The following TRRAP variants were observed in gnomAD, a reference collection of about 807,000 sequenced individuals.
TRRAP encodes transformation/transcription domain-associated protein.
TRRAP carries 41 observed loss-of-function variants against 438.8 expected under a neutral mutation model. The observed-to-expected ratio is 0.09, with a 90% CI of 0.07 to 0.12. The LOEUF (loss-of-function observed/expected upper bound fraction) is 0.12. Ranked by LOEUF, TRRAP falls within the 10% of genes least tolerant of loss-of-function variation. The pLI, the probability that TRRAP is intolerant of heterozygous loss-of-function variation, is 1.00. For missense variants in TRRAP, 3,122 were observed against 5,055.1 expected (o/e 0.62, Z 11.60); for synonymous variants, 1,994 against 1,962.9 (o/e 1.02, Z -0.42).
chr7:98,960,006 G>A (rs554710238), intron 45 of TRRAP, among the ~76,000 whole-genome samples: 1 of 151,796 alleles, frequency 6.6e-6, no homozygotes, highest in Non-Finnish European at 1.5e-5. Context: ...TTTCATGCTG[G>A]CCCCAACTAC....
chr7:98,965,715 G>A lies in TRRAP; in HGVS notation c.6996G>A (p.Met2332Ile). ...GAGCAGGTACAAGCGAGCTGGTGAT[G>A]CTGAGTCTGGAGCTGGTGAAGACGC... ...EATSGTSELV[M>I]LSLELVKTRL... is the part of the protein sequence containing the mutation. The change falls in exon 49 of 73, where the codon ATG becomes ATA. Residue 2332 changes from methionine to isoleucine, a missense_variant. Transcript: ENST00000456197. The A allele has an allele frequency of 1.9e-6, 3 of 1,614,130 alleles. No individual in the cohort carries two copies. Among genetic ancestry groups the A allele is most frequent in the South Asian group, 1.1e-5 (1 of 91,074 alleles).
intron 67 of TRRAP, chr7:98,998,965 C>T (rs1397830186): frequency 1.7e-6 from 1 of 594,358 alleles, no homozygotes; most frequent in East Asian, 2.7e-5. Flanking sequence ...GGAGCAGATG[C>T]CCGTGGTACA....
chr7:98,983,179 C>T (rs1793006902), intron 59 of TRRAP, 85 bp from the exon 60 acceptor site: 2 of 1,275,048 alleles, frequency 1.6e-6, no homozygotes, highest in Admixed American at 5.2e-5. Context: ...TTGCGATAAT[C>T]ATGTCCCCAA....
At chr7:98,906,032 G>A in intron 12 of TRRAP, 145 bp from the exon 13 acceptor site, 1 of 585,840 alleles carries the variant, frequency 1.7e-6, no homozygotes. Flanking sequence ...TAGCACTTGT[G>A]CCTTTCTGGT....
chr7:98,895,857 T>C (rs1796175332), intron 7 of TRRAP, 37 bp downstream of exon 7: 1 of 1,515,934 alleles, frequency 6.6e-7, no homozygotes, highest in Non-Finnish European at 9.0e-7. Context: ...GTTACATTTG[T>C]TTATACTTCC....
At chr7:98,959,152 G>A (rs545380424) in intron 44 of TRRAP, among the ~76,000 whole-genome samples, 192 bp from the exon 45 acceptor site, 3 of 152,170 alleles carry the variant, frequency 2.0e-5, no homozygotes, top group South Asian at 2.1e-4. Flanking sequence ...GGAGGGGGCC[G>A]TGAGGGGTCA....
intron 67 of TRRAP, chr7:98,999,041 A>G (rs886075435): frequency 1.1e-4 from 89 of 837,796 alleles, no homozygotes; most frequent in Non-Finnish European, 1.5e-4. Flanking sequence ...TCCAAGGTGG[A>G]TGGGAGGAGA....
Position 98,962,467 on chromosome 7 carries a change from T to C in TRRAP, c.6829+40T>C, listed in dbSNP as rs376084589. On this transcript the variant is annotated intron_variant, in intron 47 of 72. Coordinates refer to ENST00000456197, the MANE Select transcript of TRRAP (RefSeq NM_001375524.1). Reference sequence around the variant, plus strand: ...GTCCTGGTGTTCGTGGTGGCTCAGTTTGGCCTCTTTCCCCGCTCACTGGAC... The same window carrying C: ...GTCCTGGTGTTCGTGGTGGCTCAGTCTGGCCTCTTTCCCCGCTCACTGGAC... 19 of 1,613,002 alleles carry C rather than the reference T, an allele frequency of 1.2e-5. No homozygotes were observed. The African/African-American group carries it at 1.5e-4, about 12-fold the overall frequency.
At chr7:98,941,782 G>A (rs1321232169) in intron 30 of TRRAP, among the ~76,000 whole-genome samples, 4 of 152,130 alleles carry the variant, frequency 2.6e-5, no homozygotes, top group African/African-American at 4.8e-5. Context: ...CACTGACTCC[G>A]CACGATGTCG....
intron 6 of TRRAP, among the ~76,000 whole-genome samples, chr7:98,894,694 C>T (rs772031051): frequency 6.7e-5 from 10 of 150,272 alleles, no homozygotes; most frequent in Non-Finnish European, 1.5e-5. Flanking sequence ...CTCACTGCAA[C>T]CTCTGCCTCC....
In TRRAP at chr7:99,012,231, T is replaced by C; in HGVS notation, c.11498T>C (p.Met3833Thr). 6.2e-7 allele frequency: 1 copy of C among 1,614,028 alleles called. No homozygotes were observed. The highest frequency in any genetic ancestry group is 8.5e-7 in the Non-Finnish European group (1 of 1,179,922). Residue 3833 changes from methionine to threonine, a missense_variant, in exon 73 of 73, where the codon ATG (methionine) becomes ACG (threonine). Transcript: ENST00000456197. This position sits in a 1 kb window ranked among gnomAD's most constrained non-coding sequence, Gnocchi z 5.9. ...GTTCAGAAAGCCGTCACCGCCATCA[T>C]GACCCGCCTGCACAACCTCGCCCAG... ...SLVQKAVTAI[M>T]TRLHNLAQFE... is the part of the protein sequence containing the mutation.
chr7:98,965,598 A>G, intron 48 of TRRAP, 98 bp from the exon 49 acceptor site: 5 of 1,536,672 alleles, frequency 3.3e-6, no homozygotes, highest in Non-Finnish European at 4.5e-6. Flanking sequence ...TTGAGGGGGA[A>G]AATGGGCAGA....
At position 98,988,613 on chromosome 7, in the gene TRRAP, G is replaced by C. The variant is rs572411707; in HGVS notation, c.9390-152G>C. The C allele has an allele frequency of 3.7e-6, 3 of 802,390 alleles. No homozygotes were observed. In the South Asian group the frequency reaches 5.3e-5, roughly 14 times the overall value. 49.7% of individuals were successfully genotyped at this position (802,390 alleles called of 1,614,324 possible). ...GGTTCCCAGGGGCTGGAGGTGGGAGGGGTTCAGAGCGACTGCTTATGGGGC... is the reference window on the plus strand; with the variant it reads ...GGTTCCCAGGGGCTGGAGGTGGGAGCGGTTCAGAGCGACTGCTTATGGGGC... On this transcript the variant is annotated intron_variant, in intron 62 of 72. Coordinates refer to ENST00000456197, the MANE Select transcript of TRRAP (RefSeq NM_001375524.1).
rs1336821745 is a variant in TRRAP, at chr7:98,990,392, A to T, written c.9592-63A>T. ...ATACAGTGTTGTAATGTTGGGGAAA[A>T]AGTCTCTTGCTTGAGGGCTTCAGAA... On this transcript the variant is annotated intron_variant, in intron 63 of 72. Transcript: ENST00000456197. 7.6e-6 allele frequency: 12 copies of T among 1,579,960 alleles called. No homozygotes were observed. In the Admixed American group the frequency reaches 2.0e-4, roughly 27 times the overall value.
chr7:98,977,055 G>T lies in TRRAP; in HGVS notation c.8364G>T (p.Glu2788Asp). The part of the protein sequence containing the change: ...YSETATAIAY[E>D]QHGFFEQAQE... ...AGACAGCGACTGCGATTGCTTACGA[G>T]CAGCACGGGTTCTTTGAGCAGGTAA... The change falls in exon 56 of 73, where the codon GAG (glutamate) becomes GAT (aspartate). Residue 2788 changes from glutamate to aspartate, a missense_variant. Physicochemically the swap from Glu to Asp is conservative, Grantham distance 45. Around this residue, in one of 24 missense-constraint regions of TRRAP, gnomAD observed 992 missense variants for 1,281.2 expected, o/e 0.77. Coordinates refer to ENST00000456197, the MANE Select transcript of TRRAP (RefSeq NM_001375524.1). The T allele has an allele frequency of 6.2e-7, 1 of 1,614,206 alleles. No individual in the cohort carries two copies. Among genetic ancestry groups the T allele is most frequent in the Non-Finnish European group, 8.5e-7 (1 of 1,180,030 alleles).
intron 39 of TRRAP, 138 bp from the exon 40 acceptor site, chr7:98,953,029 C>G: frequency 1.7e-6 from 1 of 571,938 alleles, no homozygotes; most frequent in Non-Finnish European, 2.7e-6. Flanking sequence ...CTTCATGTTA[C>G]ATTGTGTGTG....
At chr7:98,977,307 G>A (rs1455544032) in intron 56 of TRRAP, among the ~76,000 whole-genome samples, 3 of 152,036 alleles carry the variant, frequency 2.0e-5, no homozygotes, top group East Asian at 3.9e-4. Context: ...GATTACAGGC[G>A]CCCACCACCA....
In TRRAP at chr7:98,948,444, C is replaced by T. The variant is rs1294291064; in HGVS notation, c.4668+104C>T. The T allele has an allele frequency of 3.7e-6, 6 of 1,608,736 alleles. No individual in the cohort carries two copies. Among genetic ancestry groups the T allele is most frequent in the African/African-American group, 2.7e-5 (2 of 74,794 alleles). ...ATGGACGGAACAGCATAAAGACGTT[C>T]GATGTCAACATTTGCTTGTGGGTGT... On this transcript the variant is annotated intron_variant, in intron 34 of 72. Transcript: ENST00000456197. This position sits in a 1 kb window ranked among gnomAD's most constrained non-coding sequence, Gnocchi z 4.9.
At chr7:98,971,028 G>A (rs752127462) in intron 52 of TRRAP, among the ~76,000 whole-genome samples, 5 of 152,172 alleles carry the variant, frequency 3.3e-5, no homozygotes, top group Non-Finnish European at 7.3e-5. Context: ...TGTGTGGAGC[G>A]TTGCGTCTTA....
Sources: gnomAD v4.1 joint callset for allele counts (sites outside exome capture counted in the v4.1 genomes callset) on GRCh38, gnomAD v4.1.1 for gene constraint, gnomAD v4.1.1 regional missense constraint, Gnocchi (gnomAD v3.1) non-coding constraint, MANE v1.5 for transcripts, NCBI Gene and HGNC (gene_info 2026-07-23, HGNC 2026-07-21) for gene names.